TMCO1: variants seen among roughly 807,000 people sequenced by gnomAD.
TMCO1 encodes the protein transmembrane and coiled-coil domains 1.
TMCO1 carries 29 observed loss-of-function variants against 29.3 expected under a neutral mutation model. That is an observed-to-expected ratio of 0.99 (90% CI 0.74 to 1.35). The LOEUF is 1.35. Ranked by LOEUF, TMCO1 falls within the 40% of genes most tolerant of loss-of-function variation. TMCO1 has a pLI of 0.00. For missense variants in TMCO1, 173 were observed against 225.5 expected (o/e 0.77, Z 1.49); for synonymous variants, 80 against 77.1 (o/e 1.04, Z -0.20).
chr1:165,727,752 A>G lies in TMCO1; in HGVS notation c.*271T>C, dbSNP rs947318397. ...AGAAAATACTTATGTAAATGAAACA[A>G]GAAGGATGCTATTTGTTTTTCATTA... On this transcript the variant is annotated 3_prime_UTR_variant, in exon 7 of 7. Coordinates refer to ENST00000367881, the MANE Select transcript of TMCO1 (RefSeq NM_019026.6). 9 of 463,396 alleles carry G rather than the reference A, an allele frequency of 1.9e-5. No individual in the cohort carries two copies. The highest frequency in any genetic ancestry group is 9.9e-5 in the African/African-American group (5 of 50,410). 28.7% of individuals were successfully genotyped at this position (463,396 alleles called of 1,614,324 possible).
At chr1:165,736,234 T>G (rs921243730) in intron 6 of TMCO1, among the ~76,000 whole-genome samples, 1 of 152,240 alleles carries the variant, frequency 6.6e-6, no homozygotes, top group Admixed American at 6.5e-5. Context: ...TTCTATTGTA[T>G]ATGGTATTTT....
At chr1:165,768,125 T>C in intron 2 of TMCO1, 67 bp downstream of exon 2, 1 of 1,326,322 alleles carries the variant, frequency 7.5e-7, no homozygotes, top group Non-Finnish European at 1.1e-6. Context: ...CTTAAAATAT[T>C]TATTGTGAAC....
chr1:165,736,739 A>C (rs1651406139), intron 6 of TMCO1, among the ~76,000 whole-genome samples: 1 of 152,060 alleles, frequency 6.6e-6, no homozygotes, highest in African/African-American at 2.4e-5. Flanking sequence ...AAAAAACAAA[A>C]AACAAAAAAA....
At chr1:165,730,171 C>A (rs113635272) in intron 6 of TMCO1, among the ~76,000 whole-genome samples, 116,605 of 132,782 alleles carry the variant, frequency 0.88, 51,247 homozygotes, top group East Asian at 0.98. Flanking sequence ...AATACACACA[C>A]ACAAAAAAAA....
rs762340529 is a variant in TMCO1, at chr1:165,768,562, G to A, written c.70+120C>T. On this transcript the variant is annotated intron_variant, in intron 1 of 6. Transcript: ENST00000367881. Reference sequence around the variant, plus strand: ...ACGAGTTGCCCAGAGATTCCCTGAAGTGGAGTAGATGAGCCTCTCAAGCAA... The same window carrying A: ...ACGAGTTGCCCAGAGATTCCCTGAAATGGAGTAGATGAGCCTCTCAAGCAA... The A allele has an allele frequency of 2.5e-6, 4 of 1,578,014 alleles. No homozygotes were observed. In the East Asian group the frequency reaches 6.9e-5, roughly 27 times the overall value.
At chr1:165,768,483 T>C in intron 1 of TMCO1, 199 bp downstream of exon 1, 1 of 1,543,010 alleles carries the variant, frequency 6.5e-7, no homozygotes, top group African/African-American at 1.4e-5. Context: ...GAAATCTACC[T>C]GAGACCAAAG....
At chr1:165,749,931 A>T (rs1470652452) in intron 5 of TMCO1, among the ~76,000 whole-genome samples, 1 of 152,158 alleles carries the variant, frequency 6.6e-6, no homozygotes, top group Non-Finnish European at 1.5e-5. Context: ...AGTATATGAA[A>T]AGATGTTAAA....
intron 5 of TMCO1, among the ~76,000 whole-genome samples, chr1:165,751,256 C>T (rs902161048): frequency 6.6e-6 from 1 of 152,136 alleles, no homozygotes; most frequent in African/African-American, 2.4e-5. Flanking sequence ...TGACTACCTT[C>T]ATTTTGAAGC....
chr1:165,726,652 T>C, downstream of TMCO1: 1 of 454,588 alleles, frequency 2.2e-6, no homozygotes, highest in Non-Finnish European at 4.4e-6. Context: ...AGATAATCCA[T>C]AAAACACTCA....
chr1:165,738,957 T>C (rs866051343), intron 6 of TMCO1, among the ~76,000 whole-genome samples: 2 of 152,176 alleles, frequency 1.3e-5, no homozygotes, highest in Admixed American at 1.3e-4. Context: ...ATGCGTGTCA[T>C]GCAGAGAGAA....
At chr1:165,728,513 C>T (rs1272968410) in intron 6 of TMCO1, among the ~76,000 whole-genome samples, 1 of 152,030 alleles carries the variant, frequency 6.6e-6, no homozygotes. Flanking sequence ...ACCTCGGCCT[C>T]CCAAAGTGCT....
intron 2 of TMCO1, among the ~76,000 whole-genome samples, chr1:165,764,971 AAAC>A (rs1454685939): frequency 1.3e-5 from 2 of 152,204 alleles, no homozygotes; most frequent in South Asian, 2.1e-4. Flanking sequence ...CTATTCAGGA[AAAC>A]AACAATAGGG....
Position 165,768,681 on chromosome 1 carries a change from C to T in TMCO1, c.70+1G>A, listed in dbSNP as rs1652675043. The T allele has an allele frequency of 6.2e-7, 1 of 1,614,130 alleles. No homozygotes were observed. The highest frequency in any genetic ancestry group is 8.5e-7 in the Non-Finnish European group (1 of 1,180,016). Reference sequence around the variant, plus strand: ...AACGTCTGAGAAATACCCGCTCTCACCCTCTGCGAGCAGAGCCGTGCACAC... The same window carrying T: ...AACGTCTGAGAAATACCCGCTCTCATCCTCTGCGAGCAGAGCCGTGCACAC... On this transcript the variant is annotated splice_donor_variant, in intron 1 of 6. Transcript: ENST00000367881. LOFTEE classifies it high-confidence loss of function.
In TMCO1 at chr1:165,752,139, A is replaced by C. The variant is rs2101806594; in HGVS notation, c.286T>G (p.Phe96Val). Residue 96 changes from phenylalanine to valine, a missense_variant, in exon 5 of 7, where the codon TTT becomes GTT. By Grantham distance (50) the Phe-to-Val change is conservative (BLOSUM62 -1). Coordinates refer to ENST00000367881, the MANE Select transcript of TMCO1 (RefSeq NM_019026.6). ...ATTCCCATTAGGGCAGTAAAACAAA[A>C]GCCAATAGCAAACATGGATTTCATT... Reference protein sequence around the residue: ...VRMKSMFAIGFCFTALMGMFN... With the variant: ...VRMKSMFAIGVCFTALMGMFN... The C allele has an allele frequency of 6.2e-7, 1 of 1,613,910 alleles. No homozygotes were observed. Among genetic ancestry groups the C allele is most frequent in the African/African-American group, 1.3e-5 (1 of 75,022 alleles).
At chr1:165,753,745 C>T (rs78557402) in intron 4 of TMCO1, among the ~76,000 whole-genome samples, 2,016 of 152,148 alleles carry the variant, frequency 0.013, 54 homozygotes, top group African/African-American at 0.047. Flanking sequence ...CAAGAATTCA[C>T]AGTGGCAGTG....
At chr1:165,742,267 C>T (rs867328055) in intron 6 of TMCO1, among the ~76,000 whole-genome samples, 15 of 147,888 alleles carry the variant, frequency 1.0e-4, no homozygotes, top group African/African-American at 3.6e-4. Flanking sequence ...CGGCTCCCCC[C>T]CTTTTCTTTT....
At chr1:165,753,290 T>C (rs573768557) in intron 4 of TMCO1, among the ~76,000 whole-genome samples, 3 of 151,592 alleles carry the variant, frequency 2.0e-5, no homozygotes, top group Non-Finnish European at 4.4e-5. Context: ...CTGGGCAACA[T>C]AGCAAGACCC....
downstream of TMCO1, chr1:165,725,185 C>T (rs1331078652): frequency 4.4e-6 from 2 of 451,516 alleles, no homozygotes; most frequent in Non-Finnish European, 8.8e-6. Context: ...AGTACTTTTA[C>T]TTAAAGGGCA....
chr1:165,759,701 A>C, intron 2 of TMCO1, 117 bp from the exon 3 acceptor site: 2 of 807,776 alleles, frequency 2.5e-6, no homozygotes, highest in Non-Finnish European at 4.1e-6. Context: ...ACACTGACTG[A>C]TTATGGTCAT....
Sources: gnomAD v4.1 joint callset for allele counts (sites outside exome capture counted in the v4.1 genomes callset) on GRCh38, gnomAD v4.1.1 for gene constraint, MANE v1.5 for transcripts, NCBI Gene and HGNC (gene_info 2026-07-23, HGNC 2026-07-21) for gene names.